The following CSMD1 variants were observed in gnomAD, a reference collection of about 807,000 sequenced individuals.
CSMD1 encodes the protein CUB and Sushi multiple domains 1.
Under a neutral mutation model 417.5 loss-of-function variants are expected in CSMD1, and 213 were observed. That is an observed-to-expected ratio of 0.51 (90% CI 0.46 to 0.57). The LOEUF (loss-of-function observed/expected upper bound fraction) is 0.57. Ranked by LOEUF, CSMD1 falls within the 20% of genes least tolerant of loss-of-function variation. The pLI, the probability that CSMD1 is intolerant of heterozygous loss-of-function variation, is 0.00. For synonymous variants in CSMD1, 2,862 were observed against 1,736.8 expected (o/e 1.65, Z -16.11); for missense variants, 6,923 against 4,529.7 (o/e 1.53, Z -15.17).
chr8:4,281,084 C>G (rs745840023), intron 3 of CSMD1, among the ~76,000 whole-genome samples: 4 of 152,158 alleles, frequency 2.6e-5, no homozygotes, highest in Non-Finnish European at 4.4e-5. Flanking sequence ...GAGGCTGCCC[C>G]AGAGGTGTAC....
intron 1 of CSMD1, among the ~76,000 whole-genome samples, chr8:4,793,733 C>T (rs1162940570): frequency 2.0e-5 from 3 of 150,608 alleles, no homozygotes; most frequent in East Asian, 2.0e-4. Context: ...GGGGAAATGA[C>T]ATTCATTGGG....
chr8:3,448,281 A>G (rs1815430840), intron 12 of CSMD1, among the ~76,000 whole-genome samples: 2 of 60,078 alleles, frequency 3.3e-5, no homozygotes, highest in South Asian at 1.5e-3. Flanking sequence ...AAAGAGGGAC[A>G]CACATCTTTC....
intron 1 of CSMD1, among the ~76,000 whole-genome samples, chr8:4,716,039 C>A (rs995935481): frequency 2.6e-5 from 4 of 152,170 alleles, no homozygotes; most frequent in Admixed American, 6.5e-5. Flanking sequence ...CCAAAGCCAA[C>A]CAATAGTAAG....
chr8:4,513,869 C>G lies in CSMD1; in HGVS notation c.303-93804G>C, dbSNP rs535868610. ...CATAAAATTATTTTCCTCTCTAGGT[C>G]TGATTTTTGTGATCAGTGGTTCCTA... is the stretch of plus-strand genomic sequence containing the variant. On this transcript the variant is annotated intron_variant, in intron 2 of 69. Coordinates refer to ENST00000635120, the MANE Select transcript of CSMD1 (RefSeq NM_033225.6). Among the ~76,000 whole-genome samples the G allele has an allele frequency of 5.9e-5, 9 of 152,268 alleles. No individual in the cohort carries two copies. In the East Asian group the frequency reaches 1.4e-3, roughly 23 times the overall value.
chr8:3,203,987 T>C (rs1318271816), intron 31 of CSMD1, among the ~76,000 whole-genome samples: 1 of 152,224 alleles, frequency 6.6e-6, no homozygotes, highest in Non-Finnish European at 1.5e-5. Flanking sequence ...CTTTCATCTT[T>C]GCATCCCTGT....
At chr8:3,649,343 G>A (rs1463164394) in intron 7 of CSMD1, among the ~76,000 whole-genome samples, 1 of 152,178 alleles carries the variant, frequency 6.6e-6, no homozygotes, top group African/African-American at 2.4e-5. Flanking sequence ...ACTGTTAGAA[G>A]AAATCTAAAT....
chr8:4,053,891 T>C (rs1563061437), intron 3 of CSMD1, among the ~76,000 whole-genome samples: 3 of 152,214 alleles, frequency 2.0e-5, no homozygotes, highest in African/African-American at 4.8e-5. Flanking sequence ...GCTATAATTA[T>C]CATAAATAAT....
intron 3 of CSMD1, among the ~76,000 whole-genome samples, chr8:4,391,524 C>G (rs1347407313): frequency 6.6e-6 from 1 of 152,212 alleles, no homozygotes; most frequent in Non-Finnish European, 1.5e-5. Context: ...GACCAAGCCA[C>G]AACCACTGCA....
At chr8:4,245,177 T>C (rs1302189606) in intron 3 of CSMD1, among the ~76,000 whole-genome samples, 2 of 152,218 alleles carry the variant, frequency 1.3e-5, no homozygotes, top group African/African-American at 2.4e-5. Context: ...CCCCATCTTA[T>C]TAGTGGCATG....
At chr8:3,187,992 A>G in intron 35 of CSMD1, 27 bp from the exon 36 acceptor site, 3 of 1,595,402 alleles carry the variant, frequency 1.9e-6, no homozygotes, top group Non-Finnish European at 2.6e-6. Flanking sequence ...TTAAGTTAAT[A>G]TTTATTTTTG....
At chr8:4,475,249 C>T (rs1321725645) in intron 2 of CSMD1, among the ~76,000 whole-genome samples, 1 of 152,100 alleles carries the variant, frequency 6.6e-6, no homozygotes, top group Non-Finnish European at 1.5e-5. Context: ...TATTTCCTCC[C>T]TCCCTCTCTC....
At chr8:3,731,085 C>G (rs1796225424) in intron 6 of CSMD1, among the ~76,000 whole-genome samples, 1 of 152,170 alleles carries the variant, frequency 6.6e-6, no homozygotes, top group South Asian at 2.1e-4. Context: ...ACACTTTCTT[C>G]CCAATCAAGT....
chr8:4,471,657 C>T (rs1353908321), intron 2 of CSMD1, among the ~76,000 whole-genome samples: 1 of 152,118 alleles, frequency 6.6e-6, no homozygotes, highest in Non-Finnish European at 1.5e-5. Flanking sequence ...ACTGGGAATG[C>T]TCACCCTGGT....
intron 49 of CSMD1, among the ~76,000 whole-genome samples, chr8:3,075,377 A>T (rs1454463995): frequency 6.7e-6 from 1 of 148,844 alleles, no homozygotes; most frequent in Non-Finnish European, 1.5e-5. Context: ...CACCTCCTGG[A>T]TTCAAGTGAT....
At chr8:4,059,348 C>G (rs904561286) in intron 3 of CSMD1, among the ~76,000 whole-genome samples, 1 of 152,090 alleles carries the variant, frequency 6.6e-6, no homozygotes, top group South Asian at 2.1e-4. Context: ...TAGGAAAGAT[C>G]CAAAATGGAC....
At chr8:3,758,921 T>A (rs567062035) in intron 5 of CSMD1, among the ~76,000 whole-genome samples, 3 of 152,248 alleles carry the variant, frequency 2.0e-5, no homozygotes, top group Admixed American at 2.0e-4. Flanking sequence ...AGGTTCCAGG[T>A]AGAAGAGCCT....
intron 3 of CSMD1, among the ~76,000 whole-genome samples, chr8:4,096,823 A>T (rs1801037617): frequency 6.6e-6 from 1 of 152,188 alleles, no homozygotes. Context: ...ATCATTCTTG[A>T]TATATTTAAT....
At chr8:3,935,402 C>A (rs941715721) in intron 5 of CSMD1, among the ~76,000 whole-genome samples, 4 of 152,144 alleles carry the variant, frequency 2.6e-5, no homozygotes, top group Non-Finnish European at 5.9e-5. Context: ...TGCTCTATTG[C>A]ATTTTGCAAA....
intron 52 of CSMD1, among the ~76,000 whole-genome samples, chr8:3,000,443 T>C (rs1216118702): frequency 6.6e-6 from 1 of 152,072 alleles, no homozygotes; most frequent in East Asian, 1.9e-4. Context: ...TTATACTATT[T>C]TCAAAACAAA....
Sources: gnomAD v4.1 joint callset for allele counts (sites outside exome capture counted in the v4.1 genomes callset) on GRCh38, gnomAD v4.1.1 for gene constraint, MANE v1.5 for transcripts, NCBI Gene and HGNC (gene_info 2026-07-23, HGNC 2026-07-21) for gene names.